PPARGC1A: variants seen among roughly 807,000 people sequenced by gnomAD.
PPARGC1A encodes the protein peroxisome proliferator-activated receptor gamma coactivator 1-alpha.
Under a neutral mutation model 88.7 loss-of-function variants are expected in PPARGC1A, and 25 were observed. The ratio of observed to expected loss-of-function variants is 0.28; its 90% confidence interval spans 0.21 to 0.39. The LOEUF (loss-of-function observed/expected upper bound fraction) is 0.39, where lower values mean the gene tolerates loss of function less well. PPARGC1A is among the 10% of genes least tolerant of loss of function. The pLI is 1.00. For synonymous variants in PPARGC1A, 363 were observed against 355.6 expected (o/e 1.02, Z -0.24); for missense variants, 880 against 968.7 (o/e 0.91, Z 1.22).
the PPARGC1A span, among the ~76,000 whole-genome samples, chr4:24,117,094 C>T: frequency 6.6e-6 from 1 of 151,702 alleles, no homozygotes; most frequent in Non-Finnish European, 1.5e-5. Flanking sequence ...GTTCCTCTGA[C>T]AGGATTACAT....
the PPARGC1A span, among the ~76,000 whole-genome samples, chr4:24,426,839 A>G: frequency 2.0e-5 from 3 of 152,216 alleles, no homozygotes; most frequent in Non-Finnish European, 4.4e-5. Flanking sequence ...CTGAAAAGAT[A>G]AATACTCGGG....
chr4:23,812,728 T>C lies in PPARGC1A; in HGVS notation c.2019+19A>G. On this transcript the variant is annotated intron_variant, in intron 10 of 12. Coordinates refer to ENST00000264867, the MANE Select transcript of PPARGC1A (RefSeq NM_013261.5). ...AAGAAACCCTACTTTAAAATAAAAGTGAGCTCCAGGCCACTTACAATTGCC... is the reference window on the plus strand; with the variant it reads ...AAGAAACCCTACTTTAAAATAAAAGCGAGCTCCAGGCCACTTACAATTGCC... The C allele has an allele frequency of 6.2e-7, 1 of 1,612,400 alleles. No individual in the cohort carries two copies. The highest frequency in any genetic ancestry group is 2.2e-5 in the East Asian group (1 of 44,848).
chr4:24,020,744 G>A, the PPARGC1A span, among the ~76,000 whole-genome samples: 6 of 152,072 alleles, frequency 3.9e-5, no homozygotes, highest in Non-Finnish European at 7.4e-5. Flanking sequence ...TCCTCATTCC[G>A]GAGCTCAATT....
the PPARGC1A span, among the ~76,000 whole-genome samples, chr4:23,929,618 G>A: frequency 6.6e-6 from 1 of 152,144 alleles, no homozygotes; most frequent in African/African-American, 2.4e-5. Flanking sequence ...TTTACTGAGA[G>A]GAAAAAGTGC....
chr4:24,195,124 A>G, the PPARGC1A span, among the ~76,000 whole-genome samples: 13 of 152,190 alleles, frequency 8.5e-5, no homozygotes, highest in African/African-American at 3.1e-4. Flanking sequence ...TAGAGTACCT[A>G]TGTTATATGG....
At chr4:23,996,697 C>T in the PPARGC1A span, among the ~76,000 whole-genome samples, 1 of 152,204 alleles carries the variant, frequency 6.6e-6, no homozygotes, top group Non-Finnish European at 1.5e-5. Flanking sequence ...TCAGCAAACC[C>T]TTTCTGTAAA....
the PPARGC1A span, among the ~76,000 whole-genome samples, chr4:24,046,206 T>C: frequency 6.6e-6 from 1 of 151,954 alleles, no homozygotes; most frequent in East Asian, 1.9e-4. Flanking sequence ...CTAAAAGGAG[T>C]CAGGAAAACA....
the PPARGC1A span, among the ~76,000 whole-genome samples, chr4:23,959,897 T>C: frequency 6.6e-6 from 1 of 152,072 alleles, no homozygotes; most frequent in African/African-American, 2.4e-5. Flanking sequence ...AGCAGGCTCA[T>C]GCAATGAGTG....
the PPARGC1A span, among the ~76,000 whole-genome samples, chr4:24,249,153 G>A: frequency 3.3e-5 from 5 of 152,136 alleles, no homozygotes; most frequent in Non-Finnish European, 7.3e-5. Flanking sequence ...ACCACAGAGT[G>A]CAGAAGCCAC....
chr4:24,386,173 C>A, the PPARGC1A span, among the ~76,000 whole-genome samples: 2 of 152,086 alleles, frequency 1.3e-5, no homozygotes, highest in Admixed American at 1.3e-4. Context: ...CAGAAAAGGC[C>A]TTCGATAAAA....
At chr4:24,211,098 G>A in the PPARGC1A span, among the ~76,000 whole-genome samples, 4 of 152,168 alleles carry the variant, frequency 2.6e-5, no homozygotes, top group African/African-American at 9.7e-5. Context: ...TAAGGGCACA[G>A]GCAAGAACTT....
At chr4:23,904,300 G>C (rs536882968), upstream of PPARGC1A, among the ~76,000 whole-genome samples, 1 of 152,202 alleles carries the variant, frequency 6.6e-6, no homozygotes, top group Admixed American at 6.5e-5. Flanking sequence ...CAGCAATTGA[G>C]ACAGGTGGTT....
the PPARGC1A span, among the ~76,000 whole-genome samples, chr4:24,420,177 C>T: frequency 2.6e-5 from 4 of 152,290 alleles, no homozygotes; most frequent in African/African-American, 7.2e-5. Context: ...TTGTTTGAGA[C>T]TTAACGTGGG....
intron 12 of PPARGC1A, among the ~76,000 whole-genome samples, chr4:23,798,475 C>T (rs751858252): frequency 3.9e-5 from 6 of 151,904 alleles, no homozygotes; most frequent in Middle Eastern, 3.2e-3. Flanking sequence ...GATGTGGGAA[C>T]GATTTATCAA....
the PPARGC1A span, among the ~76,000 whole-genome samples, chr4:24,017,817 T>C: frequency 6.6e-6 from 1 of 152,198 alleles, no homozygotes; most frequent in South Asian, 2.1e-4. Flanking sequence ...CAAAAGTGTC[T>C]AAGGACAGTT....
intron 12 of PPARGC1A, among the ~76,000 whole-genome samples, chr4:23,796,270 C>T (rs1191270788): frequency 2.0e-5 from 3 of 152,108 alleles, no homozygotes; most frequent in Non-Finnish European, 2.9e-5. Flanking sequence ...CGTGAGAGTA[C>T]AAGCTGGAAC....
the PPARGC1A span, among the ~76,000 whole-genome samples, chr4:24,300,324 A>ATTTTTTTTTTTTTTTTT: frequency 8.9e-5 from 4 of 44,998 alleles, 1 homozygote; most frequent in Non-Finnish European, 1.8e-4. Flanking sequence ...ATACAATAGC[A>ATTTTTTTTTTTTTTTTT]TTTTTTTTTT....
At chr4:24,360,696 G>T in the PPARGC1A span, among the ~76,000 whole-genome samples, 1 of 152,300 alleles carries the variant, frequency 6.6e-6, no homozygotes, top group East Asian at 1.9e-4. Context: ...GCAGAGCAGT[G>T]CCTGATTCTG....
the PPARGC1A span, among the ~76,000 whole-genome samples, chr4:24,174,439 G>A: frequency 6.6e-6 from 1 of 152,182 alleles, no homozygotes; most frequent in African/African-American, 2.4e-5. Context: ...TGATTTATAG[G>A]AGCAGGAAAG....
Sources: allele counts gnomAD v4.1 joint callset (sites outside exome capture counted in the v4.1 genomes callset), GRCh38; gene constraint gnomAD v4.1.1; transcripts MANE v1.5; gene names NCBI Gene and HGNC (gene_info 2026-07-23, HGNC 2026-07-21).